The following PAFAH2 variants were observed in gnomAD, a reference collection of about 807,000 sequenced individuals.
The protein encoded by PAFAH2 is platelet activating factor acetylhydrolase 2, also known as platelet-activating factor acetylhydrolase 2, cytoplasmic.
In PAFAH2, 42 loss-of-function variants were observed where a neutral mutation model predicts 49.0. The ratio of observed to expected loss-of-function variants is 0.86; its 90% confidence interval spans 0.67 to 1.11. The LOEUF (loss-of-function observed/expected upper bound fraction) is 1.11. Ranked by LOEUF, PAFAH2 falls within the 50% of genes least tolerant of loss-of-function variation. The pLI is 0.00. For missense variants in PAFAH2, 503 were observed against 501.8 expected, an observed-to-expected ratio of 1.00 and a Z score of -0.02; for synonymous variants, 184 against 181.3, an observed-to-expected ratio of 1.01 and a Z score of -0.12.
At chr1:25,976,854 T>A (rs2049597556) in intron 7 of PAFAH2, 81 bp from the exon 8 acceptor site, 1 of 1,152,804 alleles carries the variant, frequency 8.7e-7, no homozygotes, top group Admixed American at 1.9e-5. Flanking sequence ...GAGGAAGAAA[T>A]AGTGAGGCAA....
intron 1 of PAFAH2, among the ~76,000 whole-genome samples, chr1:25,991,498 G>T (rs1382343421): frequency 6.7e-6 from 1 of 149,728 alleles, no homozygotes; most frequent in Non-Finnish European, 1.5e-5. Context: ...TGGCCAGGAT[G>T]GTCTTGATCT....
chr1:25,962,161 G>T, intron 10 of PAFAH2, 78 bp from the exon 11 acceptor site: 1 of 1,206,312 alleles, frequency 8.3e-7, no homozygotes, highest in Non-Finnish European at 1.2e-6. Context: ...GCATTGAAGG[G>T]GTCATCCTAG....
intron 4 of PAFAH2, among the ~76,000 whole-genome samples, chr1:25,985,160 CAG>C (rs1483256854): frequency 6.6e-6 from 1 of 152,096 alleles, no homozygotes; most frequent in Non-Finnish European, 1.5e-5. Context: ...CCCAGCCAGC[CAG>C]AGAGATTTCT....
chr1:25,969,752 G>A (rs1397455761), intron 10 of PAFAH2, among the ~76,000 whole-genome samples: 1 of 152,112 alleles, frequency 6.6e-6, no homozygotes, highest in East Asian at 1.9e-4. Context: ...TTAGCTCAAC[G>A]GGTATTGCTT....
Position 25,990,800 on chromosome 1 carries a change from G to C in PAFAH2, c.17C>G (p.Ser6Cys). ...TCCTGTGACAGGTGGAAAGCCCACA[G>C]ACTGGTTGACCCCCATTTCATCACC... MGVNQ[S>C]VGFPPVTGPH... Residue 6 changes from serine (S) to cysteine (C), a missense_variant, in exon 2 of 11, where the codon TCT (serine) becomes TGT (cysteine). Transcript: ENST00000374282. 1 of 1,614,032 alleles carries C rather than the reference G, an allele frequency of 6.2e-7. No individual in the cohort carries two copies. The highest frequency in any genetic ancestry group is 8.5e-7 in the Non-Finnish European group (1 of 1,179,942).
intron 3 of PAFAH2, 60 bp downstream of exon 3, chr1:25,989,388 A>C: frequency 6.9e-7 from 1 of 1,443,666 alleles, no homozygotes; most frequent in South Asian, 1.5e-5. Context: ...CCACCTGGGG[A>C]TCTCCCAGGA....
rs530637357 is a variant in PAFAH2, at chr1:25,962,333, G to T, written c.1085-250C>A. ...TAACAGAGGGTAACATTTATTGATG[G>T]AGAATTCATTCTAAGGATTGTACTA... On this transcript the variant is annotated intron_variant, in intron 10 of 10. Transcript: ENST00000374282. Among the ~76,000 whole-genome samples the T allele has an allele frequency of 2.0e-5, 3 of 152,268 alleles. No individual in the cohort carries two copies. The East Asian group carries it at 5.8e-4, about 29-fold the overall frequency.
At chr1:25,988,169 A>G (rs947615658) in intron 4 of PAFAH2, 62 bp downstream of exon 4, 3 of 1,057,580 alleles carry the variant, frequency 2.8e-6, no homozygotes, top group African/African-American at 1.7e-5. Flanking sequence ...AGAATAAGCT[A>G]AGACTCAGCA....
chr1:25,961,709 G>C lies in PAFAH2; in HGVS notation c.*280C>G, dbSNP rs1037941688. 1.6e-5 allele frequency: 5 copies of C among 312,618 alleles called. No homozygotes were observed. Among genetic ancestry groups the C allele is most frequent in the African/African-American group, 8.7e-5 (4 of 46,212 alleles). The allele number at this position is 312,618 out of a possible 1,614,324, so 19.4% of individuals were successfully genotyped here. A position where few individuals can be genotyped will look rare whatever the true frequency, so the allele number is the denominator to read the frequency against. ...CCAGGCCTCACAGTGCTCAGCCCGG[G>C]GCCTGGGTCTCCCCCAGTCCCACTC... On this transcript the variant is annotated 3_prime_UTR_variant, in exon 11 of 11. Transcript: ENST00000374282.
rs779533764 is a variant in PAFAH2, at chr1:25,984,526, GTC to G, written c.342_343del (p.Arg114SerfsTer45). 53 of 1,613,220 alleles carry G rather than the reference GTC, an allele frequency of 3.3e-5. No individual in the cohort carries two copies. The highest frequency in any genetic ancestry group is 4.2e-5 in the Non-Finnish European group (49 of 1,179,442). ...CTCCATGCAGAAGGCTGAATACAAA[GTC>G]CTGGAGATTCAAAAAGGAACAAGGA... On this transcript the variant is annotated frameshift_variant and splice_region_variant, in exon 5 of 11. Transcript: ENST00000374282. LOFTEE classifies it high-confidence loss of function.
chr1:25,986,796 G>A (rs1323314923), intron 4 of PAFAH2, among the ~76,000 whole-genome samples: 1 of 152,000 alleles, frequency 6.6e-6, no homozygotes, highest in African/African-American at 2.4e-5. Context: ...CTCCCAAAAT[G>A]CTGGGATTAC....
At chr1:25,977,666 A>G (rs1013570516) in intron 7 of PAFAH2, among the ~76,000 whole-genome samples, 1 of 151,890 alleles carries the variant, frequency 6.6e-6, no homozygotes, top group Non-Finnish European at 1.5e-5. Flanking sequence ...AAAAAAAAAA[A>G]AAAAAAATCT....
chr1:25,979,461 A>G (rs1370247947), intron 7 of PAFAH2, among the ~76,000 whole-genome samples: 1 of 151,924 alleles, frequency 6.6e-6, no homozygotes, highest in East Asian at 1.9e-4. Flanking sequence ...ACCTGGAACT[A>G]TAGGCACATG....
rs1000999658 is a variant in PAFAH2, at chr1:25,984,031, G to T, written c.467C>A (p.Pro156His). Residue 156 changes from proline to histidine, a missense_variant, in exon 6 of 11, where the codon CCC becomes CAC. Pro to His is a moderately conservative substitution (Grantham distance 77). Transcript: ENST00000374282. ...TTCCTCCTGCAGCGATTCATTGGTG[G>T]GCTGGTTCTCTTCTGGGGCCTGCTT... ...FCKQAPEENQ[P>H]TNESLQEEWI... 3.7e-6 allele frequency: 6 copies of T among 1,614,000 alleles called. No individual in the cohort carries two copies. Among genetic ancestry groups the T allele is most frequent in the Non-Finnish European group, 5.1e-6 (6 of 1,180,012 alleles).
intron 4 of PAFAH2, 76 bp downstream of exon 4, chr1:25,988,155 T>C (rs2049811562): frequency 2.2e-6 from 2 of 916,500 alleles, no homozygotes; most frequent in Non-Finnish European, 3.3e-6. Context: ...TTTTTTGCCC[T>C]TTGAGAATAA....
intron 7 of PAFAH2, among the ~76,000 whole-genome samples, chr1:25,977,347 G>A (rs1466848317): frequency 1.4e-5 from 2 of 147,752 alleles, no homozygotes; most frequent in African/African-American, 4.9e-5. Flanking sequence ...GACCAGGGCA[G>A]ACATTCAAAT....
intron 7 of PAFAH2, among the ~76,000 whole-genome samples, chr1:25,980,932 G>C (rs1048296319): frequency 6.6e-6 from 1 of 151,886 alleles, no homozygotes; most frequent in Non-Finnish European, 1.5e-5. Flanking sequence ...TAGCTACAGT[G>C]AGTGGTGATC....
At chr1:25,992,123 G>T (rs1003719596) in intron 1 of PAFAH2, among the ~76,000 whole-genome samples, 1 of 152,010 alleles carries the variant, frequency 6.6e-6, no homozygotes, top group Admixed American at 6.6e-5. Context: ...GAGAGACAGG[G>T]TCTTGCTATG....
intron 7 of PAFAH2, 42 bp from the exon 8 acceptor site, chr1:25,976,815 C>T: frequency 6.6e-7 from 1 of 1,513,898 alleles, no homozygotes; most frequent in Non-Finnish European, 9.2e-7. Flanking sequence ...AAACTCAGGA[C>T]TGCTTCTTTA....
Sources: gnomAD v4.1 joint callset for allele counts (sites outside exome capture counted in the v4.1 genomes callset) on GRCh38, gnomAD v4.1.1 for gene constraint, MANE v1.5 for transcripts, NCBI Gene and HGNC (gene_info 2026-07-23, HGNC 2026-07-21) for gene names.